Variants in CPNE4 observed in about 807,000 individuals in gnomAD.
The protein encoded by CPNE4 is copine-4.
In CPNE4, 25 loss-of-function variants were observed where a neutral mutation model predicts 67.9. The ratio of observed to expected loss-of-function variants is 0.37; its 90% confidence interval spans 0.27 to 0.51. The LOEUF is 0.51. CPNE4 is among the 20% of genes least tolerant of loss of function. The pLI is 0.93. For missense variants in CPNE4, 464 were observed against 690.8 expected, an observed-to-expected ratio of 0.67 and a Z score of 3.68; for synonymous variants, 242 against 244.9, an observed-to-expected ratio of 0.99 and a Z score of 0.11.
intron 6 of CPNE4, among the ~76,000 whole-genome samples, chr3:131,678,420 C>G (rs1341894862): frequency 6.6e-6 from 1 of 152,048 alleles, no homozygotes; most frequent in Non-Finnish European, 1.5e-5. Context: ...ATTTGAATGC[C>G]CTTTATTTCT....
intron 2 of CPNE4, among the ~76,000 whole-genome samples, chr3:131,878,017 C>T (rs6797963): frequency 0.63 from 96,406 of 152,080 alleles, 30,787 homozygotes; most frequent in Admixed American, 0.72. Flanking sequence ...ATCAGAACTC[C>T]TACATGCTAC....
chr3:131,596,161 C>T (rs73874155), intron 7 of CPNE4, among the ~76,000 whole-genome samples: 18,802 of 151,368 alleles, frequency 0.12, 1,511 homozygotes, highest in African/African-American at 0.23. Context: ...AACAAACAAA[C>T]AAATAAATAA....
At chr3:131,832,578 C>T (rs2085416278) in intron 2 of CPNE4, among the ~76,000 whole-genome samples, 1 of 152,090 alleles carries the variant, frequency 6.6e-6, no homozygotes, top group Admixed American at 6.5e-5. Flanking sequence ...TACTTGGGAT[C>T]CATTATTCTT....
At chr3:131,961,409 G>A (rs1374171970) in intron 1 of CPNE4, among the ~76,000 whole-genome samples, 2 of 152,090 alleles carry the variant, frequency 1.3e-5, no homozygotes, top group African/African-American at 4.8e-5. Flanking sequence ...CAGTGTTGCT[G>A]TGCTAACACC....
chr3:132,035,095 G>A, upstream of CPNE4: 6 of 980,098 alleles, frequency 6.1e-6, no homozygotes, highest in Non-Finnish European at 7.3e-6. Flanking sequence ...TGCTGACGGA[G>A]ACGAGCATTG....
intron 1 of CPNE4, among the ~76,000 whole-genome samples, chr3:131,999,241 T>TAAAAAAAAAAAAAAACA (rs2073368162): frequency 1.0e-5 from 1 of 98,834 alleles, no homozygotes; most frequent in African/African-American, 5.4e-5. Flanking sequence ...TTATCCAAGG[T>TAAAAAAAAAAAAAAACA]AAAAAAAAAA....
rs80288355 is a variant in CPNE4 at position 131,767,710 on chromosome 3, G to A, written c.181-44085C>T. Among the ~76,000 whole-genome samples the A allele has an allele frequency of 9.9e-3, 1,503 of 152,098 alleles. 63 individuals carry two copies. The East Asian group carries it at 0.11, about 11-fold the overall frequency. ...ATCTGCTTACCATAAGGATAACTTTGAGCCAGAAAGATTTCTTTTCAGTTC... is the reference window on the plus strand; with the variant it reads ...ATCTGCTTACCATAAGGATAACTTTAAGCCAGAAAGATTTCTTTTCAGTTC... On this transcript the variant is annotated intron_variant, in intron 2 of 15. Coordinates refer to ENST00000429747, the MANE Select transcript of CPNE4 (RefSeq NM_130808.3).
chr3:131,707,997 A>G (rs965062020), intron 3 of CPNE4, among the ~76,000 whole-genome samples: 3 of 152,210 alleles, frequency 2.0e-5, no homozygotes, highest in South Asian at 2.1e-4. Flanking sequence ...AGCATCAGGC[A>G]TATACAAATG....
At chr3:131,686,278 T>C (rs1361962338) in intron 5 of CPNE4, among the ~76,000 whole-genome samples, 1 of 152,216 alleles carries the variant, frequency 6.6e-6, no homozygotes, top group Non-Finnish European at 1.5e-5. Context: ...TCTTCAAAGA[T>C]CAGTTCAAAT....
chr3:131,709,466 T>C (rs1312830663), intron 3 of CPNE4, among the ~76,000 whole-genome samples: 1 of 152,162 alleles, frequency 6.6e-6, no homozygotes, highest in Non-Finnish European at 1.5e-5. Context: ...CCTATCCCTG[T>C]GGATCCATTG....
intron 2 of CPNE4, among the ~76,000 whole-genome samples, chr3:131,878,000 T>G (rs1300335270): frequency 1.3e-5 from 2 of 152,170 alleles, no homozygotes; most frequent in Admixed American, 6.6e-5. Flanking sequence ...GGGGAAGATG[T>G]GGAGCAATCA....
At chr3:131,663,078 T>A (rs895509044) in intron 7 of CPNE4, among the ~76,000 whole-genome samples, 1 of 152,124 alleles carries the variant, frequency 6.6e-6, no homozygotes, top group African/African-American at 2.4e-5. Context: ...CCATTAATGA[T>A]AGACTGGATA....
chr3:131,921,918 C>CT (rs1221951138), intron 1 of CPNE4, among the ~76,000 whole-genome samples: 1 of 152,118 alleles, frequency 6.6e-6, no homozygotes. Flanking sequence ...CAAGCAGGCT[C>CT]TTTTTGATAT....
intron 1 of CPNE4, among the ~76,000 whole-genome samples, chr3:132,005,336 TATATATACACACACACAC>T (rs1292288471): frequency 0.032 from 774 of 24,334 alleles, 10 homozygotes; most frequent in African/African-American, 0.11. Context: ...TATATATATA[TATATATACACACACACAC>T]ACACACACAC....
intron 1 of CPNE4, among the ~76,000 whole-genome samples, chr3:131,920,453 A>C (rs760645951): frequency 6.6e-6 from 1 of 152,126 alleles, no homozygotes; most frequent in Non-Finnish European, 1.5e-5. Flanking sequence ...ATTAGTTTAC[A>C]TGTCTGCAAA....
chr3:131,964,365 G>C (rs989049090), intron 1 of CPNE4, among the ~76,000 whole-genome samples: 2 of 152,036 alleles, frequency 1.3e-5, no homozygotes, highest in African/African-American at 4.8e-5. Context: ...ACTGGATGGA[G>C]AATAAGTTTG....
At chr3:131,920,986 G>C (rs2070727373) in intron 1 of CPNE4, among the ~76,000 whole-genome samples, 1 of 152,136 alleles carries the variant, frequency 6.6e-6, no homozygotes, top group African/African-American at 2.4e-5. Context: ...CAGTGGTATG[G>C]CATAACCAGA....
At chr3:131,815,469 A>C (rs1487299611) in intron 2 of CPNE4, among the ~76,000 whole-genome samples, 1 of 152,212 alleles carries the variant, frequency 6.6e-6, no homozygotes, top group African/African-American at 2.4e-5. Context: ...ATACAGGCAG[A>C]TACATCCTCT....
At chr3:131,545,178 T>C (rs36089206) in intron 14 of CPNE4, among the ~76,000 whole-genome samples, 23,719 of 152,242 alleles carry the variant, frequency 0.16, 1,966 homozygotes, top group African/African-American at 0.21. Context: ...ATTTTATTTA[T>C]GGACACTGAT....
Sources: gnomAD v4.1 joint callset for allele counts (sites outside exome capture counted in the v4.1 genomes callset) on GRCh38, gnomAD v4.1.1 for gene constraint, MANE v1.5 for transcripts, NCBI Gene and HGNC (gene_info 2026-07-23, HGNC 2026-07-21) for gene names.